TOB2: variants seen among roughly 807,000 people sequenced by gnomAD.
TOB2 encodes protein Tob2.
Under a neutral mutation model 17.3 loss-of-function variants are expected in TOB2, and 3 were observed. That is an observed-to-expected ratio of 0.17 (90% CI 0.08 to 0.45). TOB2 has a LOEUF of 0.45. Among genes scored for constraint, TOB2 ranks in the 20% least tolerant of loss-of-function variants. The pLI is 0.99. For synonymous variants in TOB2, 163 were observed against 185.6 expected (o/e 0.88, Z 0.99); for missense variants, 407 against 445.7 (o/e 0.91, Z 0.78).
At position 41,436,108 on chromosome 22, in the gene TOB2, G is replaced by C. The variant is rs2037542784; in HGVS notation, c.*203C>G. ...AACCAAATAAATCACAGGCCGGTGG[G>C]CGAGCGGTAAGGGGTGAGTGAAACA... On this transcript the variant is annotated 3_prime_UTR_variant, in exon 2 of 2. Transcript: ENST00000327492. The surrounding 1 kb of genome is among the most constrained non-coding windows in gnomAD (Gnocchi z 4.8). The C allele has an allele frequency of 2.0e-6, 1 of 498,812 alleles. No individual in the cohort carries two copies. The highest frequency in any genetic ancestry group is 7.0e-5 in the South Asian group (1 of 14,360). The allele number at this position is 498,812 out of a possible 1,614,324, so 30.9% of individuals were successfully genotyped here.
Position 41,436,745 on chromosome 22 carries a change from C to T in TOB2, c.601G>A (p.Gly201Arg). The T allele has an allele frequency of 6.2e-7, 1 of 1,613,714 alleles. No homozygotes were observed. Among genetic ancestry groups the T allele is most frequent in the Non-Finnish European group, 8.5e-7 (1 of 1,179,862 alleles). ...CCCGCCCCACTGCTGGCTACACCCC[C>T]ACCACTTGCTGCCCCGCCCCCCTTC... is the stretch of plus-strand genomic sequence containing the variant. ...MKKGGGAASGGGVASSGAGGQ... is the reference protein window; with the variant it reads ...MKKGGGAASGRGVASSGAGGQ... Residue 201 changes from glycine to arginine, a missense_variant, in exon 2 of 2, where the codon GGG (glycine) becomes AGG (arginine). Physicochemically the swap from Gly to Arg is moderately radical, Grantham distance 125. Transcript: ENST00000327492. This position sits in a 1 kb window ranked among gnomAD's most constrained non-coding sequence, Gnocchi z 4.8.
At chr22:41,446,109 C>A (rs954790650) in intron 1 of TOB2, among the ~76,000 whole-genome samples, 2 of 152,104 alleles carry the variant, frequency 1.3e-5, no homozygotes, top group Non-Finnish European at 2.9e-5. Context: ...GGAGGAAATG[C>A]ACCCCACCCA....
Position 41,434,035 on chromosome 22 carries a change from A to G in TOB2, c.*2276T>C, listed in dbSNP as rs1388392088. ...TATACATATATTATATACCTCTTAC[A>G]TTTTACAAATGTAGCAAATTATTCA... On this transcript the variant is annotated 3_prime_UTR_variant, in exon 2 of 2. Transcript: ENST00000327492. 1 of 157,592 alleles carries G rather than the reference A, an allele frequency of 6.3e-6. No homozygotes were observed. Among genetic ancestry groups the G allele is most frequent in the Non-Finnish European group, 1.4e-5 (1 of 71,154 alleles). The allele number at this position is 157,592 out of a possible 1,614,324, so 9.8% of individuals were successfully genotyped here.
At position 41,434,864 on chromosome 22, in the gene TOB2, T is replaced by A. The variant is rs1207961406; in HGVS notation, c.*1447A>T. 2 of 152,558 alleles carry A rather than the reference T, an allele frequency of 1.3e-5. No individual in the cohort carries two copies. The highest frequency in any genetic ancestry group is 4.8e-5 in the African/African-American group (2 of 41,418). 9.5% of individuals were successfully genotyped at this position (152,558 alleles called of 1,614,324 possible). A position where few individuals can be genotyped will look rare whatever the true frequency, so the allele number is the denominator to read the frequency against. On this transcript the variant is annotated 3_prime_UTR_variant, in exon 2 of 2. Coordinates refer to ENST00000327492, the MANE Select transcript of TOB2 (RefSeq NM_016272.4). ...GATCCAATACATCAGGCGGGAGTGCTGAGTCCGTCAGGACACCACTCCTCG... is the reference window on the plus strand; with the variant it reads ...GATCCAATACATCAGGCGGGAGTGCAGAGTCCGTCAGGACACCACTCCTCG...
Position 41,433,945 on chromosome 22 carries a change from T to C in TOB2, c.*2366A>G, listed in dbSNP as rs1214542679. The C allele has an allele frequency of 4.1e-6, 1 of 243,128 alleles. No homozygotes were observed. The highest frequency in any genetic ancestry group is 2.2e-5 in the African/African-American group (1 of 44,868). The allele number at this position is 243,128 out of a possible 1,614,324, so 15.1% of individuals were successfully genotyped here. ...AAAGTTTGTTTTTCCTGAAAAAATATGTTTCTCTCATCTTTTTAAGAAAAA... is the reference window on the plus strand; with the variant it reads ...AAAGTTTGTTTTTCCTGAAAAAATACGTTTCTCTCATCTTTTTAAGAAAAA... On this transcript the variant is annotated 3_prime_UTR_variant, in exon 2 of 2. Coordinates refer to ENST00000327492, the MANE Select transcript of TOB2 (RefSeq NM_016272.4).
chr22:41,442,788 A>G (rs202652), intron 1 of TOB2, among the ~76,000 whole-genome samples: 113,818 of 152,102 alleles, frequency 0.75, 43,195 homozygotes, highest in East Asian at 0.95. Context: ...AAAGCTATGA[A>G]CAAATTCTAG....
intron 1 of TOB2, among the ~76,000 whole-genome samples, chr22:41,442,089 T>A (rs2037626345): frequency 7.7e-6 from 1 of 130,676 alleles, no homozygotes; most frequent in Non-Finnish European, 1.7e-5. Context: ...AGAGAAATTC[T>A]GCCTCAAAAA....
chr22:41,445,677 G>A (rs1175786138), intron 1 of TOB2, among the ~76,000 whole-genome samples: 6 of 152,218 alleles, frequency 3.9e-5, no homozygotes, highest in Non-Finnish European at 8.8e-5. Context: ...GGAGGGGAAG[G>A]AGTTTGGGGG....
chr22:41,434,755 C>G lies in TOB2; in HGVS notation c.*1556G>C, dbSNP rs1011708513. On this transcript the variant is annotated 3_prime_UTR_variant, in exon 2 of 2. Coordinates refer to ENST00000327492, the MANE Select transcript of TOB2 (RefSeq NM_016272.4). ...AAAGTTAATGACCCTGCTCCCTTGG[C>G]TCCTGTCCATGCTTGCCTGGCCTCC... 1 of 152,596 alleles carries G rather than the reference C, an allele frequency of 6.6e-6. No individual in the cohort carries two copies. Among genetic ancestry groups the G allele is most frequent in the African/African-American group, 2.4e-5 (1 of 41,432 alleles). 9.5% of individuals were successfully genotyped at this position (152,596 alleles called of 1,614,324 possible). A position where few individuals can be genotyped will look rare whatever the true frequency, so the allele number is the denominator to read the frequency against.
chr22:41,441,208 G>C (rs910790264), intron 1 of TOB2, among the ~76,000 whole-genome samples: 4 of 151,826 alleles, frequency 2.6e-5, no homozygotes, highest in Non-Finnish European at 5.9e-5. Context: ...CCAGCTACTC[G>C]GGAGGCTGAG....
chr22:41,437,408 C>G lies in TOB2; in HGVS notation c.-62-1G>C, dbSNP rs1255825111. ...GTACAGCCTTGGGCTCCAGGCGGCT[C>G]TGGGAAATGAGAGGCACCGTGAGAA... On this transcript the variant is annotated splice_acceptor_variant, in intron 1 of 1. Transcript: ENST00000327492. LOFTEE classifies it low-confidence loss of function (5UTR_SPLICE). 2.0e-6 allele frequency: 3 copies of G among 1,530,970 alleles called. No homozygotes were observed. The highest frequency in any genetic ancestry group is 2.6e-6 in the Non-Finnish European group (3 of 1,143,282). 94.8% of individuals were successfully genotyped at this position (1,530,970 alleles called of 1,614,324 possible).
chr22:41,441,088 C>T (rs980613611), intron 1 of TOB2, among the ~76,000 whole-genome samples: 7 of 151,906 alleles, frequency 4.6e-5, no homozygotes, highest in African/African-American at 9.7e-5. Flanking sequence ...GAGGCCGTGG[C>T]GAGTGGATCA....
At chr22:41,437,645 G>C (rs1436382047) in intron 1 of TOB2, among the ~76,000 whole-genome samples, 2 of 152,122 alleles carry the variant, frequency 1.3e-5, no homozygotes, top group Admixed American at 1.3e-4. Flanking sequence ...CAATTAAAAG[G>C]TAATTGATAA....
Position 41,436,407 on chromosome 22 carries a change from G to C in TOB2, c.939C>G (p.Phe313Leu), listed in dbSNP as rs1290824318. The change falls in exon 2 of 2, where the codon TTC becomes TTG. Residue 313 changes from phenylalanine (F) to leucine (L), a missense_variant. By Grantham distance (22) the Phe-to-Leu change is conservative (BLOSUM62 0). Transcript: ENST00000327492. This position sits in a 1 kb window ranked among gnomAD's most constrained non-coding sequence, Gnocchi z 4.8. ...CTTCCACAAAGGGTGTCTTCTCCAG[G>C]AAGAGGCTGTTGGCACCACCTCCAA... is the stretch of plus-strand genomic sequence containing the variant. ...QVFGGGANSL[F>L]LEKTPFVEGL... is the part of the protein sequence containing the mutation. 1 of 1,614,180 alleles carries C rather than the reference G, an allele frequency of 6.2e-7. No individual in the cohort carries two copies. Among genetic ancestry groups the C allele is most frequent in the Non-Finnish European group, 8.5e-7 (1 of 1,180,004 alleles).
chr22:41,436,134 C>T lies in TOB2; in HGVS notation c.*177G>A. On this transcript the variant is annotated 3_prime_UTR_variant, in exon 2 of 2. Coordinates refer to ENST00000327492, the MANE Select transcript of TOB2 (RefSeq NM_016272.4). The surrounding 1 kb of genome is among the most constrained non-coding windows in gnomAD (Gnocchi z 4.8). ...CGAGCGGTAAGGGGTGAGTGAAACA[C>T]ACTTGGGTGCTTTGCAGGGCCCTCC... 1.4e-6 allele frequency: 1 copy of T among 736,206 alleles called. No homozygotes were observed. 45.6% of individuals were successfully genotyped at this position (736,206 alleles called of 1,614,324 possible).
chr22:41,442,170 G>C (rs1000253145), intron 1 of TOB2, among the ~76,000 whole-genome samples: 28 of 151,238 alleles, frequency 1.9e-4, no homozygotes, highest in African/African-American at 6.8e-4. Flanking sequence ...TGTTGTTAAA[G>C]ACAGTGTTTC....
At chr22:41,440,104 TTTTC>T (rs1440211376) in intron 1 of TOB2, among the ~76,000 whole-genome samples, 1 of 102,366 alleles carries the variant, frequency 9.8e-6, no homozygotes, top group Non-Finnish European at 2.1e-5. Context: ...ATGTCTATTT[TTTTC>T]TTTTTCTTTC....
At chr22:41,445,342 C>A (rs990882676) in intron 1 of TOB2, among the ~76,000 whole-genome samples, 12 of 152,208 alleles carry the variant, frequency 7.9e-5, no homozygotes, top group Admixed American at 3.9e-4. Flanking sequence ...CTTAATCCTT[C>A]CTCCCACACA....
rs1569268142 is a variant in TOB2, at chr22:41,434,806, C to T, written c.*1505G>A. ...TAGAGTTGGAGGAACAAGCCCTCTC[C>T]TGGCAGAGGCAGGAGAGCAAGTGCT... is the stretch of plus-strand genomic sequence containing the variant. On this transcript the variant is annotated 3_prime_UTR_variant, in exon 2 of 2. Coordinates refer to ENST00000327492, the MANE Select transcript of TOB2 (RefSeq NM_016272.4). The T allele has an allele frequency of 6.6e-6, 1 of 152,560 alleles. No individual in the cohort carries two copies. The highest frequency in any genetic ancestry group is 2.4e-5 in the African/African-American group (1 of 41,432). 9.5% of individuals were successfully genotyped at this position (152,560 alleles called of 1,614,324 possible).
Sources: allele counts gnomAD v4.1 joint callset (sites outside exome capture counted in the v4.1 genomes callset), GRCh38; gene constraint gnomAD v4.1.1; non-coding constraint Gnocchi (gnomAD v3.1); transcripts MANE v1.5; gene names NCBI Gene and HGNC (gene_info 2026-07-23, HGNC 2026-07-21).